The following TEAD1 variants were observed in gnomAD, a reference collection of about 807,000 sequenced individuals.
The protein encoded by TEAD1 is TEA domain transcription factor 1.
TEAD1 carries 9 observed loss-of-function variants against 54.9 expected under a neutral mutation model. The ratio of observed to expected loss-of-function variants is 0.16; its 90% CI spans 0.10 to 0.29. The LOEUF (loss-of-function observed/expected upper bound fraction) is 0.29, where lower values mean the gene tolerates loss of function less well. Among genes scored for constraint, TEAD1 ranks in the 10% least tolerant of loss-of-function variants. The pLI is 1.00. For synonymous variants in TEAD1, 200 were observed against 187.8 expected (o/e 1.07, Z -0.53); for missense variants, 387 against 535.9 (o/e 0.72, Z 2.74).
intron 4 of TEAD1, chr11:12,864,622 G>A: frequency 2.1e-6 from 2 of 948,866 alleles, no homozygotes; most frequent in Non-Finnish European, 2.9e-6. Context: ...TTCCTTTTTT[G>A]TTTTGTTTTG....
At chr11:12,937,025 C>T (rs1949114202) in intron 12 of TEAD1, 84 bp from the exon 13 acceptor site, 12 of 930,592 alleles carry the variant, frequency 1.3e-5, no homozygotes, top group South Asian at 1.2e-4. Flanking sequence ...ACTTGTTCTT[C>T]TCCAATTAAG....
chr11:12,845,944 T>C (rs1421189354), intron 3 of TEAD1, among the ~76,000 whole-genome samples: 1 of 152,210 alleles, frequency 6.6e-6, no homozygotes, highest in East Asian at 1.9e-4. Flanking sequence ...TCCAAGCCTG[T>C]GAAAGGCACG....
chr11:12,892,384 A>G (rs535186505), intron 9 of TEAD1, among the ~76,000 whole-genome samples: 1 of 152,322 alleles, frequency 6.6e-6, no homozygotes, highest in African/African-American at 2.4e-5. Context: ...TCATGCCTGT[A>G]AACCCAGCAC....
intron 10 of TEAD1, among the ~76,000 whole-genome samples, chr11:12,909,176 G>A (rs1948575516): frequency 6.6e-6 from 1 of 152,028 alleles, no homozygotes. Flanking sequence ...ATTCTCTGTA[G>A]AAACAATGAT....
At chr11:12,872,891 A>C (rs1000187707) in intron 5 of TEAD1, among the ~76,000 whole-genome samples, 1 of 152,192 alleles carries the variant, frequency 6.6e-6, no homozygotes, top group African/African-American at 2.4e-5. Flanking sequence ...CCAAGGCTGC[A>C]AGCACCATAC....
intron 10 of TEAD1, among the ~76,000 whole-genome samples, chr11:12,914,249 A>T (rs1948670163): frequency 6.6e-6 from 1 of 152,258 alleles, no homozygotes; most frequent in African/African-American, 2.4e-5. Flanking sequence ...CCAAATGTTT[A>T]TGAAATTCAA....
intron 2 of TEAD1, among the ~76,000 whole-genome samples, chr11:12,727,107 G>A (rs1195005382): frequency 6.6e-6 from 1 of 152,000 alleles, no homozygotes; most frequent in African/African-American, 2.4e-5. Context: ...GGACGTGGTG[G>A]TGCACGCCTG....
intron 3 of TEAD1, among the ~76,000 whole-genome samples, chr11:12,831,750 C>G (rs1255657406): frequency 6.7e-6 from 1 of 149,206 alleles, no homozygotes; most frequent in Non-Finnish European, 1.5e-5. Context: ...CTGCTGTACT[C>G]TAGCCTGGTG....
chr11:12,797,656 G>C (rs954223047), intron 3 of TEAD1, among the ~76,000 whole-genome samples: 1 of 151,462 alleles, frequency 6.6e-6, no homozygotes, highest in Non-Finnish European at 1.5e-5. Context: ...TTTTGTAGGG[G>C]TTTCCTCCAC....
chr11:12,683,017 C>G (rs1943256011), intron 2 of TEAD1, among the ~76,000 whole-genome samples: 1 of 152,138 alleles, frequency 6.6e-6, no homozygotes, highest in Non-Finnish European at 1.5e-5. Flanking sequence ...GGAAAAAAAT[C>G]CCAGAGTCAG....
intron 2 of TEAD1, among the ~76,000 whole-genome samples, chr11:12,757,502 AT>A (rs1945007287): frequency 6.6e-6 from 1 of 152,224 alleles, no homozygotes; most frequent in Non-Finnish European, 1.5e-5. Flanking sequence ...CAGAAGGACT[AT>A]TAGTTGCCAA....
chr11:12,848,196 AGT>A (rs1455426257), intron 3 of TEAD1, among the ~76,000 whole-genome samples: 2 of 152,114 alleles, frequency 1.3e-5, no homozygotes, highest in Non-Finnish European at 2.9e-5. Flanking sequence ...GAGGGCAGAG[AGT>A]GTGTATTATT....
At chr11:12,694,321 A>G (rs1018808959) in intron 2 of TEAD1, among the ~76,000 whole-genome samples, 1 of 152,144 alleles carries the variant, frequency 6.6e-6, no homozygotes, top group African/African-American at 2.4e-5. Flanking sequence ...ACGAGAGAAC[A>G]AACTAACACA....
chr11:12,858,572 A>C (rs1947438474), intron 3 of TEAD1, among the ~76,000 whole-genome samples: 1 of 152,242 alleles, frequency 6.6e-6, no homozygotes, highest in Admixed American at 6.5e-5. Flanking sequence ...AAGATTTTAT[A>C]ATTTAAAAAG....
intron 3 of TEAD1, chr11:12,823,800 A>G (rs1471423241): frequency 6.6e-6 from 1 of 152,180 alleles, no homozygotes; most frequent in Non-Finnish European, 1.5e-5. Context: ...TTCCTTGGCA[A>G]CTATTATGTC....
intron 12 of TEAD1, among the ~76,000 whole-genome samples, chr11:12,931,301 T>C (rs1337996091): frequency 1.3e-5 from 2 of 152,156 alleles, no homozygotes; most frequent in African/African-American, 2.4e-5. Context: ...ATCCTCAAAA[T>C]AGAAAATACT....
intron 12 of TEAD1, among the ~76,000 whole-genome samples, chr11:12,933,832 T>A (rs576868598): frequency 6.6e-6 from 1 of 152,314 alleles, no homozygotes; most frequent in East Asian, 1.9e-4. Flanking sequence ...GAAATAAATT[T>A]GAGATACCAT....
intron 3 of TEAD1, among the ~76,000 whole-genome samples, chr11:12,793,445 T>G (rs139392443): frequency 2.0e-5 from 3 of 152,254 alleles, no homozygotes; most frequent in Admixed American, 6.5e-5. Context: ...AAATATCTTA[T>G]AGTTTTTTTG....
intron 3 of TEAD1, among the ~76,000 whole-genome samples, chr11:12,852,935 C>T (rs1947305006): frequency 6.6e-6 from 1 of 152,210 alleles, no homozygotes; most frequent in African/African-American, 2.4e-5. Context: ...ATGCTGCTTG[C>T]CTAGTTAAGA....
Sources: gnomAD v4.1 joint callset for allele counts (sites outside exome capture counted in the v4.1 genomes callset) on GRCh38, gnomAD v4.1.1 for gene constraint, MANE v1.5 for transcripts, NCBI Gene and HGNC (gene_info 2026-07-23, HGNC 2026-07-21) for gene names.